The following GARS1 variants were observed in gnomAD, a reference collection of about 807,000 sequenced individuals.
The protein encoded by GARS1 is glycyl-tRNA synthetase 1.
Under a neutral mutation model 86.4 loss-of-function variants are expected in GARS1, and 46 were observed. The ratio of observed to expected loss-of-function variants is 0.53; its 90% confidence interval spans 0.42 to 0.68. The LOEUF is 0.68. Among genes scored for constraint, GARS1 ranks in the 30% least tolerant of loss-of-function variants. The pLI is 0.00. For missense variants in GARS1, 797 were observed against 915.6 expected, an observed-to-expected ratio of 0.87 and a Z score of 1.67; for synonymous variants, 342 against 329.8, an observed-to-expected ratio of 1.04 and a Z score of -0.40.
In GARS1 at chr7:30,634,005, C is replaced by A. The variant is rs904772533; in HGVS notation, c.*145C>A. 1.7e-3 allele frequency: 1,623 copies of A among 975,230 alleles called. 10 individuals carry two copies. The highest frequency in any genetic ancestry group is 2.3e-3 in the Admixed American group (89 of 38,736). The allele number at this position is 975,230 out of a possible 1,614,324, so 60.4% of individuals were successfully genotyped here. Reference sequence around the variant, plus strand: ...CAGTGGCTGCCTGATTTTACCCCCACAATTAAAGTTGAAGGAATCCTGAAC... The same window carrying A: ...CAGTGGCTGCCTGATTTTACCCCCAAAATTAAAGTTGAAGGAATCCTGAAC... On this transcript the variant is annotated 3_prime_UTR_variant, in exon 17 of 17. Coordinates refer to ENST00000389266, the MANE Select transcript of GARS1 (RefSeq NM_002047.4).
Position 30,632,532 on chromosome 7 carries a change from C to CT in GARS1, c.2094+104dup, listed in dbSNP as rs149008938. On this transcript the variant is annotated intron_variant, in intron 16 of 16. Coordinates refer to ENST00000389266, the MANE Select transcript of GARS1 (RefSeq NM_002047.4). The surrounding 1 kb of genome is among the most constrained non-coding windows in gnomAD (Gnocchi z 4.1). ...TTTTGATGTGTTTATGCTCCCTTTC[C>CT]TTTTTTTTTCTTTTTAATTTTAATG... The CT allele has an allele frequency of 1.2e-3, 1,484 of 1,254,546 alleles. No individual in the cohort carries two copies. The highest frequency in any genetic ancestry group is 1.5e-3 in the Non-Finnish European group (1,299 of 872,518). The allele number at this position is 1,254,546 out of a possible 1,614,324, so 77.7% of individuals were successfully genotyped here.
chr7:30,633,695 C>A, intron 16 of GARS1, 40 bp from the exon 17 acceptor site: 1 of 1,609,760 alleles, frequency 6.2e-7, no homozygotes. Flanking sequence ...AAAATCTGAA[C>A]AAGTTGGTTG....
At chr7:30,619,626 CA>C (rs1430626135) in intron 10 of GARS1, among the ~76,000 whole-genome samples, 21 of 152,018 alleles carry the variant, frequency 1.4e-4, no homozygotes, top group African/African-American at 5.1e-4. Context: ...TGCCAGGTTA[CA>C]TGTTTTTAGG....
intron 8 of GARS1, among the ~76,000 whole-genome samples, chr7:30,612,684 G>A (rs868281297): frequency 2.4e-4 from 37 of 152,240 alleles, no homozygotes; most frequent in African/African-American, 8.7e-4. Context: ...AAGTTGGGGT[G>A]AGGATGTATC....
Position 30,598,871 on chromosome 7 carries a change from G to A in GARS1, c.298G>A (p.Ala100Thr), listed in dbSNP as rs1303853932. ...AGACAAAGCAGTGGCTGAGCTCAAA[G>A]CCCGCAAGAGGGTTCTGGAAGCAAA... ...DVDKAVAELKARKRVLEAKEL... is the reference protein window; with the variant it reads ...DVDKAVAELKTRKRVLEAKEL... Residue 100 changes from alanine to threonine, a missense_variant, in exon 2 of 17, where the codon GCC becomes ACC. Physicochemically the swap from Ala to Thr is moderately conservative, Grantham distance 58 (BLOSUM62 0). Around this residue, in one of 2 missense-constraint regions of GARS1, gnomAD observed 199 missense variants for 176.9 expected, o/e 1.12. Coordinates refer to ENST00000389266, the MANE Select transcript of GARS1 (RefSeq NM_002047.4). 1 of 1,614,178 alleles carries A rather than the reference G, an allele frequency of 6.2e-7. No homozygotes were observed. The highest frequency in any genetic ancestry group is 1.3e-5 in the African/African-American group (1 of 75,050).
intron 9 of GARS1, among the ~76,000 whole-genome samples, chr7:30,616,426 A>G (rs1311247165): frequency 6.6e-6 from 1 of 152,224 alleles, no homozygotes; most frequent in African/African-American, 2.4e-5. Context: ...TGTATTACCC[A>G]TAGCAGTGGA....
chr7:30,615,478 A>G (rs937255173), intron 8 of GARS1, among the ~76,000 whole-genome samples: 2 of 152,196 alleles, frequency 1.3e-5, no homozygotes. Context: ...TGTTTTCCTA[A>G]TTTAAAAAAC....
intron 7 of GARS1, among the ~76,000 whole-genome samples, chr7:30,610,586 TA>T (rs984598334): frequency 6.6e-6 from 1 of 152,228 alleles, no homozygotes; most frequent in African/African-American, 2.4e-5. Flanking sequence ...TGATTTGGAA[TA>T]TTTCATGGAA....
chr7:30,626,159 T>C, intron 12 of GARS1, 75 bp from the exon 13 acceptor site: 1 of 813,532 alleles, frequency 1.2e-6, no homozygotes, highest in South Asian at 1.5e-5. Context: ...AACTTAGCAA[T>C]CTACAAAATT....
chr7:30,604,821 A>G (rs933588035), intron 6 of GARS1, among the ~76,000 whole-genome samples: 1 of 152,214 alleles, frequency 6.6e-6, no homozygotes, highest in Non-Finnish European at 1.5e-5. Context: ...GCCTCTAAGT[A>G]TCCCTAAAAT....
At chr7:30,633,646 G>A (rs1472965930) in intron 16 of GARS1, 89 bp from the exon 17 acceptor site, 34 of 1,492,120 alleles carry the variant, frequency 2.3e-5, no homozygotes, top group Non-Finnish European at 2.4e-5. Context: ...GTTTGGCTCT[G>A]TGTAAGGTTT....
chr7:30,599,882 A>G (rs988389127), intron 2 of GARS1, 65 bp from the exon 3 acceptor site: 1 of 1,013,142 alleles, frequency 9.9e-7, no homozygotes, highest in Non-Finnish European at 1.5e-6. Flanking sequence ...AACTAAATTC[A>G]GATATATAAG....
intron 10 of GARS1, among the ~76,000 whole-genome samples, chr7:30,619,593 G>A (rs139881364): frequency 1.7e-4 from 26 of 152,012 alleles, no homozygotes; most frequent in African/African-American, 5.3e-4. Flanking sequence ...TTAACCAGTC[G>A]ACATGTATAG....
chr7:30,602,916 T>TAAA, intron 4 of GARS1, 118 bp from the exon 5 acceptor site: 1 of 765,490 alleles, frequency 1.3e-6, no homozygotes, highest in Non-Finnish European at 2.4e-6. Flanking sequence ...TTACTATAGA[T>TAAA]ATGGGAGCTT....
intron 9 of GARS1, 76 bp from the exon 10 acceptor site, chr7:30,617,038 A>G (rs1782902402): frequency 5.5e-6 from 8 of 1,462,886 alleles, no homozygotes; most frequent in Non-Finnish European, 2.9e-6. Flanking sequence ...GTCAATGGAA[A>G]CCGATATCTT....
At chr7:30,596,884 G>A (rs1372885223) in intron 1 of GARS1, among the ~76,000 whole-genome samples, 1 of 152,164 alleles carries the variant, frequency 6.6e-6, no homozygotes, top group East Asian at 1.9e-4. Flanking sequence ...ATCCATTTTG[G>A]ATAACTCCAT....
intron 1 of GARS1, 138 bp downstream of exon 1, chr7:30,595,281 T>C: frequency 5.7e-6 from 5 of 873,926 alleles, no homozygotes; most frequent in Non-Finnish European, 7.2e-6. Context: ...TGGCGTCTTC[T>C]TCGCCTCCCC....
At chr7:30,627,400 A>G (rs1247137995) in intron 13 of GARS1, among the ~76,000 whole-genome samples, 5 of 152,164 alleles carry the variant, frequency 3.3e-5, no homozygotes, top group African/African-American at 9.7e-5. Context: ...TGCCTTGATC[A>G]TGTTTCTAAA....
chr7:30,601,220 T>G lies in GARS1; in HGVS notation c.569+20T>G, dbSNP rs2128132727. ...TTTAAAGTGAGATCTTACTTTGGAG[T>G]GGGGGTATCCTACTTTAAATAAAAT... On this transcript the variant is annotated intron_variant, in intron 4 of 16. Transcript: ENST00000389266. The G allele has an allele frequency of 6.2e-7, 1 of 1,608,248 alleles. No individual in the cohort carries two copies. The highest frequency in any genetic ancestry group is 8.5e-7 in the Non-Finnish European group (1 of 1,175,074).
Sources: allele counts gnomAD v4.1 joint callset (sites outside exome capture counted in the v4.1 genomes callset), GRCh38; gene constraint gnomAD v4.1.1; regional missense constraint gnomAD v4.1.1; non-coding constraint Gnocchi (gnomAD v3.1); transcripts MANE v1.5; gene names NCBI Gene and HGNC (gene_info 2026-07-23, HGNC 2026-07-21).